EPB41L5: variants seen among roughly 807,000 people sequenced by gnomAD.
EPB41L5 encodes the protein erythrocyte membrane protein band 4.1 like 5, also known as band 4.1-like protein 5.
EPB41L5 carries 55 observed loss-of-function variants against 106.6 expected under a neutral mutation model. That is an observed-to-expected ratio of 0.52 (90% CI 0.42 to 0.65). The LOEUF (loss-of-function observed/expected upper bound fraction) is 0.65, where lower values mean the gene tolerates loss of function less well. Among genes scored for constraint, EPB41L5 ranks in the 30% least tolerant of loss-of-function variants. The probability of loss-of-function intolerance (pLI) is 0.00; values close to 1 mark genes in which losing one functional copy is unlikely to be tolerated. For missense variants in EPB41L5, 871 were observed against 882.1 expected, an observed-to-expected ratio of 0.99 and a Z score of 0.16; for synonymous variants, 297 against 306.7, an observed-to-expected ratio of 0.97 and a Z score of 0.33.
At chr2:120,144,164 G>A (rs902580004) in intron 19 of EPB41L5, among the ~76,000 whole-genome samples, 8 of 152,168 alleles carry the variant, frequency 5.3e-5, no homozygotes, top group Admixed American at 3.9e-4. Flanking sequence ...CAAAGCCATG[G>A]TATTAACAGA....
At chr2:120,132,357 C>CT (rs951617319) in intron 18 of EPB41L5, among the ~76,000 whole-genome samples, 10 of 151,954 alleles carry the variant, frequency 6.6e-5, no homozygotes, top group African/African-American at 2.2e-4. Flanking sequence ...TGGAAATGGC[C>CT]TTTTTTTTCC....
chr2:120,154,874 C>T (rs960381332), intron 20 of EPB41L5, among the ~76,000 whole-genome samples: 1 of 151,944 alleles, frequency 6.6e-6, no homozygotes, highest in South Asian at 2.1e-4. Flanking sequence ...TGCAGTGAGC[C>T]GAGATCGTGC....
At chr2:120,022,222 T>C (rs1000004172) in intron 2 of EPB41L5, among the ~76,000 whole-genome samples, 1 of 152,170 alleles carries the variant, frequency 6.6e-6, no homozygotes, top group Non-Finnish European at 1.5e-5. Context: ...CTGGGATACA[T>C]GTGCAGAACG....
intron 16 of EPB41L5, among the ~76,000 whole-genome samples, chr2:120,111,365 C>T (rs1457890487): frequency 2.0e-5 from 3 of 152,162 alleles, no homozygotes; most frequent in Non-Finnish European, 2.9e-5. Context: ...GTTTTTGTAG[C>T]TTCGTAAGTG....
At chr2:120,167,753 A>T in intron 23 of EPB41L5, 124 bp from the exon 24 acceptor site, 9 of 1,246,054 alleles carry the variant, frequency 7.2e-6, no homozygotes, top group Non-Finnish European at 1.0e-5. Flanking sequence ...CAAAACAAAC[A>T]GTCATAATTA....
rs1684366647 is a variant in EPB41L5, at chr2:120,104,983, A to AT, written c.1337+4170dup. The AT allele has an allele frequency of 1.8e-5, 18 of 984,680 alleles. No individual in the cohort carries two copies. In the South Asian group the frequency reaches 8.0e-4, roughly 44 times the overall value. 61.0% of individuals were successfully genotyped at this position (984,680 alleles called of 1,614,324 possible). A position where few individuals can be genotyped will look rare whatever the true frequency, so the allele number is the denominator to read the frequency against. Reference sequence around the variant, plus strand: ...TGAATGGTTCTATAAAATGAAAAACATATTTACTTTGTCTTTTCATTTGAC... The same window carrying AT: ...TGAATGGTTCTATAAAATGAAAAACATTATTTACTTTGTCTTTTCATTTGAC... On this transcript the variant is annotated intron_variant, in intron 16 of 24. Transcript: ENST00000263713.
At chr2:120,052,283 C>A (rs1680339953) in intron 3 of EPB41L5, among the ~76,000 whole-genome samples, 2 of 152,172 alleles carry the variant, frequency 1.3e-5, no homozygotes, top group South Asian at 4.1e-4. Flanking sequence ...CTGATGTTCC[C>A]TTATAAAGTA....
At chr2:120,106,360 C>G (rs1371719579) in intron 16 of EPB41L5, 1 of 984,498 alleles carries the variant, frequency 1.0e-6, no homozygotes, top group Non-Finnish European at 1.2e-6. Flanking sequence ...ATTGCAAATA[C>G]TTGTTCTTTT....
At chr2:120,052,648 A>G (rs963788553) in intron 3 of EPB41L5, among the ~76,000 whole-genome samples, 10 of 152,152 alleles carry the variant, frequency 6.6e-5, no homozygotes, top group Admixed American at 1.3e-4. Context: ...GATGGCTTCT[A>G]TGTTCATTTG....
At chr2:120,077,847 T>C (rs1179057087) in intron 9 of EPB41L5, among the ~76,000 whole-genome samples, 1 of 152,200 alleles carries the variant, frequency 6.6e-6, no homozygotes, top group Non-Finnish European at 1.5e-5. Flanking sequence ...AGAGGTTCAA[T>C]TGGCTCATGG....
At chr2:120,016,280 A>G (rs1478502782) in intron 1 of EPB41L5, among the ~76,000 whole-genome samples, 2 of 152,096 alleles carry the variant, frequency 1.3e-5, no homozygotes, top group African/African-American at 4.8e-5. Context: ...AAGCACAAAA[A>G]TTAGCTGGGC....
chr2:120,076,035 A>C (rs1049604051), intron 7 of EPB41L5, among the ~76,000 whole-genome samples: 5 of 152,174 alleles, frequency 3.3e-5, no homozygotes, highest in Non-Finnish European at 5.9e-5. Context: ...CTTTTTCCTT[A>C]AAAGAAATGC....
chr2:120,100,180 C>T, intron 14 of EPB41L5, 64 bp from the exon 15 acceptor site: 1 of 1,275,368 alleles, frequency 7.8e-7, no homozygotes. Flanking sequence ...TATGTGTTAT[C>T]TTACAAAATG....
intron 3 of EPB41L5, among the ~76,000 whole-genome samples, chr2:120,063,595 C>T (rs775404949): frequency 6.6e-6 from 1 of 151,918 alleles, no homozygotes; most frequent in East Asian, 1.9e-4. Flanking sequence ...CCATGACATG[C>T]GATTTACCTG....
At chr2:120,063,919 G>T (rs1681263664) in intron 3 of EPB41L5, among the ~76,000 whole-genome samples, 1 of 152,016 alleles carries the variant, frequency 6.6e-6, no homozygotes, top group Admixed American at 6.5e-5. Context: ...TCCAGCCTGG[G>T]TGACGAGAGT....
At chr2:120,060,436 G>GA (rs1193535474) in intron 3 of EPB41L5, among the ~76,000 whole-genome samples, 18 of 152,178 alleles carry the variant, frequency 1.2e-4, no homozygotes, top group Admixed American at 4.6e-4. Context: ...GCAATAAAAA[G>GA]AAAAAACTAT....
chr2:120,117,796 A>C (rs6720736), intron 16 of EPB41L5, among the ~76,000 whole-genome samples: 96,663 of 151,912 alleles, frequency 0.64, 32,105 homozygotes, highest in Middle Eastern at 0.74. Flanking sequence ...GCATATTTGT[A>C]TGTTTAAGAG....
At chr2:120,053,192 A>T (rs1680404750) in intron 3 of EPB41L5, among the ~76,000 whole-genome samples, 3 of 151,998 alleles carry the variant, frequency 2.0e-5, no homozygotes, top group South Asian at 2.1e-4. Flanking sequence ...AACGTAAAGC[A>T]CTCCTTTGAC....
At chr2:120,017,988 G>A (rs1395525760) in intron 1 of EPB41L5, among the ~76,000 whole-genome samples, 1 of 144,428 alleles carries the variant, frequency 6.9e-6, no homozygotes, top group Non-Finnish European at 1.5e-5. Context: ...TTGAGACGGA[G>A]TCTTGCTCTG....
Sources: gnomAD v4.1 joint callset for allele counts (sites outside exome capture counted in the v4.1 genomes callset) on GRCh38, gnomAD v4.1.1 for gene constraint, MANE v1.5 for transcripts, NCBI Gene and HGNC (gene_info 2026-07-23, HGNC 2026-07-21) for gene names.